DOCK1: variants seen among roughly 807,000 people sequenced by gnomAD.
DOCK1 encodes the protein dedicator of cytokinesis protein 1.
In DOCK1, 138 loss-of-function variants were observed where a neutral mutation model predicts 262.7. The observed-to-expected ratio is 0.53, with a 90% CI of 0.46 to 0.61. DOCK1 has a LOEUF of 0.61. Ranked by LOEUF, DOCK1 falls within the 20% of genes least tolerant of loss-of-function variation. The pLI, the probability that DOCK1 is intolerant of heterozygous loss-of-function variation, is 0.00. For missense variants in DOCK1, 1,908 were observed against 2,370.7 expected (o/e 0.80, Z 4.05); for synonymous variants, 866 against 867.4 (o/e 1.00, Z 0.03).
chr10:127,172,942 A>G (rs1056102418), intron 27 of DOCK1, among the ~76,000 whole-genome samples: 1 of 152,166 alleles, frequency 6.6e-6, no homozygotes, highest in African/African-American at 2.4e-5. Flanking sequence ...GTGACTGTGA[A>G]GTTTCAATTG....
intron 27 of DOCK1, among the ~76,000 whole-genome samples, chr10:127,148,717 A>T (rs2052168236): frequency 6.6e-6 from 1 of 152,254 alleles, no homozygotes; most frequent in South Asian, 2.1e-4. Flanking sequence ...AGCAAAGATT[A>T]TATTAGTAAT....
intron 27 of DOCK1, among the ~76,000 whole-genome samples, chr10:127,162,523 T>C (rs1440112510): frequency 6.6e-6 from 1 of 152,188 alleles, no homozygotes; most frequent in Admixed American, 6.5e-5. Flanking sequence ...CTTCATCCCA[T>C]TTCTCTTTAC....
intron 47 of DOCK1, among the ~76,000 whole-genome samples, chr10:127,431,769 G>A (rs746601477): frequency 2.0e-5 from 3 of 152,188 alleles, no homozygotes; most frequent in Non-Finnish European, 4.4e-5. Context: ...TTGTGCTGTC[G>A]TGGCAGCGCG....
chr10:127,157,591 G>A (rs1360382899), intron 27 of DOCK1, among the ~76,000 whole-genome samples: 1 of 152,200 alleles, frequency 6.6e-6, no homozygotes, highest in African/African-American at 2.4e-5. Flanking sequence ...CTGAGAAATG[G>A]TTTGGCTGAC....
intron 49 of DOCK1, 97 bp downstream of exon 49, chr10:127,439,322 G>A: frequency 2.3e-6 from 3 of 1,289,680 alleles, no homozygotes; most frequent in Non-Finnish European, 3.2e-6. Context: ...GGCTCTTATT[G>A]AACTTGTTAT....
intron 29 of DOCK1, among the ~76,000 whole-genome samples, chr10:127,266,504 C>CACACACACACAT (rs2060362536): frequency 6.6e-6 from 1 of 151,834 alleles, no homozygotes; most frequent in African/African-American, 2.4e-5. Context: ...CACACACACA[C>CACACACACACAT]ACATATATAT....
chr10:127,356,094 A>G (rs1014340867), intron 32 of DOCK1, among the ~76,000 whole-genome samples: 3 of 152,194 alleles, frequency 2.0e-5, no homozygotes, highest in African/African-American at 4.8e-5. Context: ...GTCTCTGCAC[A>G]TGATTTTGCT....
intron 1 of DOCK1, among the ~76,000 whole-genome samples, chr10:126,919,247 CCT>C (rs1191202856): frequency 6.6e-6 from 1 of 152,198 alleles, no homozygotes; most frequent in East Asian, 1.9e-4. Flanking sequence ...CACTTATCAA[CCT>C]CTTTTTTATT....
chr10:127,055,490 A>T (rs2045080841), intron 22 of DOCK1, among the ~76,000 whole-genome samples: 1 of 152,206 alleles, frequency 6.6e-6, no homozygotes, highest in South Asian at 2.1e-4. Context: ...CCTACCTGCA[A>T]GGAAGCTGGA....
At chr10:127,384,706 G>C (rs532596525) in intron 37 of DOCK1, 84 bp from the exon 38 acceptor site, 1 of 1,427,006 alleles carries the variant, frequency 7.0e-7, no homozygotes, top group Non-Finnish European at 9.2e-7. Flanking sequence ...CGGCCCACAC[G>C]CGTGTCCGAT....
At chr10:127,430,992 C>G (rs1045659177) in intron 47 of DOCK1, among the ~76,000 whole-genome samples, 1 of 152,204 alleles carries the variant, frequency 6.6e-6, no homozygotes, top group Non-Finnish European at 1.5e-5. Flanking sequence ...GGGTAAGGAG[C>G]CCTGTGGGCT....
intron 23 of DOCK1, among the ~76,000 whole-genome samples, chr10:127,070,017 C>A (rs1036702452): frequency 6.6e-5 from 10 of 152,070 alleles, no homozygotes; most frequent in Non-Finnish European, 1.5e-4. Context: ...CTCTAGGTTT[C>A]TGGTGATCCT....
chr10:127,008,693 T>C (rs758336480), intron 10 of DOCK1, 39 bp from the exon 11 acceptor site: 5 of 1,527,378 alleles, frequency 3.3e-6, no homozygotes, highest in Non-Finnish European at 4.5e-6. Context: ...GATTATAGCA[T>C]TTAAGCCAAA....
At chr10:127,221,748 G>GA (rs1221984890) in intron 27 of DOCK1, among the ~76,000 whole-genome samples, 1 of 152,222 alleles carries the variant, frequency 6.6e-6, no homozygotes, top group Non-Finnish European at 1.5e-5. Context: ...GTCCTGGTGA[G>GA]AACCAAGTCA....
chr10:126,952,955 G>A (rs2036429822), intron 1 of DOCK1, among the ~76,000 whole-genome samples: 1 of 136 alleles, frequency 7.4e-3, no homozygotes, highest in Non-Finnish European at 0.023. Context: ...GGTAGTGGTA[G>A]TATTTTTTGT....
intron 49 of DOCK1, among the ~76,000 whole-genome samples, chr10:127,442,966 C>T (rs761272649): frequency 6.6e-6 from 1 of 152,250 alleles, no homozygotes; most frequent in African/African-American, 2.4e-5. Flanking sequence ...GGGAGGTCTG[C>T]TGTAACCACA....
chr10:126,955,026 A>G (rs2036618595), intron 1 of DOCK1, among the ~76,000 whole-genome samples: 1 of 152,226 alleles, frequency 6.6e-6, no homozygotes, highest in African/African-American at 2.4e-5. Context: ...TCCTGTGACC[A>G]GTGCACAAGG....
rs1243323242 is a variant in DOCK1, at chr10:126,997,712, G to A, written c.610-380G>A. On this transcript the variant is annotated intron_variant, in intron 7 of 51. Coordinates refer to ENST00000623213, the MANE Select transcript of DOCK1 (RefSeq NM_001290223.2). ...TCTGTTAATTCAACAAGTACTTACTGAGCATCTACTGTGTACCAAATGTTG... is the reference window on the plus strand; with the variant it reads ...TCTGTTAATTCAACAAGTACTTACTAAGCATCTACTGTGTACCAAATGTTG... 4 of 224,516 alleles carry A rather than the reference G, an allele frequency of 1.8e-5. No homozygotes were observed. The East Asian group carries it at 3.8e-4, about 22-fold the overall frequency. The allele number at this position is 224,516 out of a possible 1,614,324, so 13.9% of individuals were successfully genotyped here. A position where few individuals can be genotyped will look rare whatever the true frequency, so the allele number is the denominator to read the frequency against.
chr10:127,221,873 C>T (rs2058449359), intron 27 of DOCK1, among the ~76,000 whole-genome samples: 1 of 152,118 alleles, frequency 6.6e-6, no homozygotes, highest in African/African-American at 2.4e-5. Flanking sequence ...AGTGCTATTT[C>T]AATTAAAAAA....
Sources: gnomAD v4.1 joint callset for allele counts (sites outside exome capture counted in the v4.1 genomes callset) on GRCh38, gnomAD v4.1.1 for gene constraint, MANE v1.5 for transcripts, NCBI Gene and HGNC (gene_info 2026-07-23, HGNC 2026-07-21) for gene names.